CHRNA5: variants seen among roughly 807,000 people sequenced by gnomAD.
The protein encoded by CHRNA5 is neuronal acetylcholine receptor subunit alpha-5.
CHRNA5 carries 28 observed loss-of-function variants against 41.2 expected under a neutral mutation model. The ratio of observed to expected loss-of-function variants is 0.68; its 90% CI spans 0.50 to 0.93. CHRNA5 has a LOEUF of 0.93. Among genes scored for constraint, CHRNA5 ranks in the 40% least tolerant of loss-of-function variants. The probability of loss-of-function intolerance (pLI) is 0.00; values close to 1 mark genes in which losing one functional copy is unlikely to be tolerated. For synonymous variants in CHRNA5, 188 were observed against 205.8 expected (o/e 0.91, Z 0.74); for missense variants, 481 against 581.9 (o/e 0.83, Z 1.78).
Position 78,588,343 on chromosome 15 carries a change from C to T in CHRNA5, c.333C>T (p.Asn111=). ...GGATAGATGTAAAATTAAGATGGAA[C>T]CCTGATGACTATGGTGGAATAAAAG... The change falls in exon 4 of 6, where the codon AAC becomes AAT. Residue 111 remains asparagine, a synonymous_variant. Coordinates refer to ENST00000299565, the Ensembl canonical transcript of CHRNA5. This position sits in a 1 kb window ranked among gnomAD's most constrained non-coding sequence, Gnocchi z 4.1. 3 of 1,589,066 alleles carry T rather than the reference C, an allele frequency of 1.9e-6. No homozygotes were observed. The highest frequency in any genetic ancestry group is 1.7e-5 in the Admixed American group (1 of 58,074).
exon 2 of CHRNA5, chr15:78,580,933 G>A: frequency 3.7e-6 from 6 of 1,613,908 alleles, no homozygotes; most frequent in Non-Finnish European, 5.1e-6. Context: ...AATAAAATTT[G>A]GACTTGCAAT....
chr15:78,567,310 G>C (rs528352870), intron 1 of CHRNA5, among the ~76,000 whole-genome samples: 226 of 151,564 alleles, frequency 1.5e-3, no homozygotes, highest in Non-Finnish European at 2.9e-3. Flanking sequence ...TTACCTCTCA[G>C]AGTTCTTTTG....
chr15:78,585,386 CTGT>C (rs1282163392), intron 2 of CHRNA5, among the ~76,000 whole-genome samples: 1 of 152,096 alleles, frequency 6.6e-6, no homozygotes, highest in Non-Finnish European at 1.5e-5. Flanking sequence ...GGTCACTTAC[CTGT>C]TGTTGGGACG....
In CHRNA5 at chr15:78,575,926, G is replaced by A. The variant is rs537058962; in HGVS notation, c.107-4885G>A. Among the ~76,000 whole-genome samples the A allele has an allele frequency of 3.4e-4, 52 of 152,244 alleles. 1 individual carries two copies. The South Asian group carries it at 0.011, about 31-fold the overall frequency. ...TGAGCATCTTTTCATATGCTTACTG[G>A]CCTTTCTTTGGAGAAATGTCTAAGT... is the stretch of plus-strand genomic sequence containing the variant. On this transcript the variant is annotated intron_variant, in intron 1 of 5. Coordinates refer to ENST00000299565, the Ensembl canonical transcript of CHRNA5.
chr15:78,589,976 A>T (rs749078312), exon 5 of CHRNA5: 1 of 1,614,184 alleles, frequency 6.2e-7, no homozygotes, highest in Admixed American at 1.7e-5. Flanking sequence ...CTTATGATGG[A>T]TCACAGGTTG....
intron 2 of CHRNA5, among the ~76,000 whole-genome samples, chr15:78,584,266 C>CT (rs903054096): frequency 3.0e-4 from 45 of 152,006 alleles, no homozygotes; most frequent in Middle Eastern, 6.8e-3. Flanking sequence ...CATATTCTGT[C>CT]TTTTTTTTGT....
chr15:78,592,570 G>A (rs944793741), intron 5 of CHRNA5, among the ~76,000 whole-genome samples: 1 of 152,124 alleles, frequency 6.6e-6, no homozygotes, highest in African/African-American at 2.4e-5. Flanking sequence ...GCTGGCTCCA[G>A]GGAAGACTGT....
chr15:78,579,237 ATTTGTTTG>A (rs66694705), intron 1 of CHRNA5, among the ~76,000 whole-genome samples: 177 of 150,180 alleles, frequency 1.2e-3, no homozygotes, highest in Middle Eastern at 3.4e-3. Flanking sequence ...TTTATTTATT[ATTTGTTTG>A]TTTGTTTGTT....
At chr15:78,581,042 C>A in intron 2 of CHRNA5, 80 bp downstream of exon 2, 1 of 1,424,260 alleles carries the variant, frequency 7.0e-7, no homozygotes, top group Non-Finnish European at 9.6e-7. Context: ...CTGTGCTAGG[C>A]ACCAAGGATT....
chr15:78,576,786 G>C (rs1166407478), intron 1 of CHRNA5, among the ~76,000 whole-genome samples: 1 of 142,772 alleles, frequency 7.0e-6, no homozygotes, highest in Non-Finnish European at 1.5e-5. Context: ...GTGACAGGGC[G>C]AGACCCAGTC....
At chr15:78,587,382 A>C (rs1372567017) in intron 3 of CHRNA5, among the ~76,000 whole-genome samples, 1 of 152,196 alleles carries the variant, frequency 6.6e-6, no homozygotes, top group African/African-American at 2.4e-5. Flanking sequence ...ATAATGTCTG[A>C]ACAAAGTCTT....
chr15:78,579,237 ATTTGTTTGTTTGTTTG>A (rs66694705), intron 1 of CHRNA5, among the ~76,000 whole-genome samples: 1 of 150,196 alleles, frequency 6.7e-6, no homozygotes, highest in South Asian at 2.1e-4. Flanking sequence ...TTTATTTATT[ATTTGTTTGTTTGTTTG>A]TTTGTTTGTT....
chr15:78,576,814 CAAAA>C lies in CHRNA5; in HGVS notation c.107-3993_107-3990del, dbSNP rs1438100743. Among the ~76,000 whole-genome samples the C allele has an allele frequency of 3.2e-3, 469 of 144,866 alleles. 7 individuals are homozygous for C. Among genetic ancestry groups the C allele is most frequent in the African/African-American group, 0.011 (444 of 39,660 alleles). On this transcript the variant is annotated intron_variant, in intron 1 of 5. Coordinates refer to ENST00000299565, the Ensembl canonical transcript of CHRNA5. ...ACCCAGTCTCAAAAAAAAAAAAAAA[CAAAA>C]AAAGCAATTACTGTCATCAGCCTAT...
chr15:78,567,125 C>G (rs542999936), intron 1 of CHRNA5, among the ~76,000 whole-genome samples: 103 of 151,972 alleles, frequency 6.8e-4, no homozygotes, highest in African/African-American at 2.2e-3. Flanking sequence ...TGGTGGTGCG[C>G]GCCTGTAGTC....
chr15:78,577,526 T>G (rs938889616), intron 1 of CHRNA5, among the ~76,000 whole-genome samples: 1 of 152,212 alleles, frequency 6.6e-6, no homozygotes, highest in Non-Finnish European at 1.5e-5. Flanking sequence ...AGGTAGAATG[T>G]TGGGATTACT....
chr15:78,585,947 G>A (rs1297246881), intron 2 of CHRNA5, among the ~76,000 whole-genome samples: 1 of 117,924 alleles, frequency 8.5e-6, no homozygotes, highest in Non-Finnish European at 1.7e-5. Context: ...ACCATGCCTG[G>A]CTAATTTTTT....
exon 6 of CHRNA5, chr15:78,593,641 T>C (rs1004719792): frequency 6.3e-6 from 1 of 158,028 alleles, no homozygotes; most frequent in South Asian, 1.9e-4. Context: ...ATGTAAACTT[T>C]CCTGTACTCA....
In CHRNA5 at chr15:78,579,204, A is replaced by G. The variant is rs569464591; in HGVS notation, c.107-1607A>G. ...GAATTATTTAGCCAACCATGTTCAC[A>G]TTCTCACATATACATACATTTATTT... On this transcript the variant is annotated intron_variant, in intron 1 of 5. Coordinates refer to ENST00000299565, the Ensembl canonical transcript of CHRNA5. Among the ~76,000 whole-genome samples, 590 of 151,102 alleles carry G rather than the reference A, an allele frequency of 3.9e-3. 8 individuals carry two copies. The highest frequency in any genetic ancestry group is 0.014 in the African/African-American group (557 of 41,162).
chr15:78,584,969 G>C lies in CHRNA5; in HGVS notation c.259-1676G>C, dbSNP rs1046653330. Among the ~76,000 whole-genome samples, 6 of 152,284 alleles carry C rather than the reference G, an allele frequency of 3.9e-5. No individual in the cohort carries two copies. In the East Asian group the frequency reaches 1.2e-3, roughly 29 times the overall value. ...GGGCCAGTTTCTGTCGCCTAGGCTGGAGTGCAGTGACATGATCTTGGCTCA... is the reference window on the plus strand; with the variant it reads ...GGGCCAGTTTCTGTCGCCTAGGCTGCAGTGCAGTGACATGATCTTGGCTCA... On this transcript the variant is annotated intron_variant, in intron 2 of 5. Coordinates refer to ENST00000299565, the Ensembl canonical transcript of CHRNA5.
Sources: allele counts gnomAD v4.1 joint callset (sites outside exome capture counted in the v4.1 genomes callset), GRCh38; gene constraint gnomAD v4.1.1; non-coding constraint Gnocchi (gnomAD v3.1); transcripts MANE v1.5; gene names NCBI Gene and HGNC (gene_info 2026-07-23, HGNC 2026-07-21).